PGBD2: variants seen among roughly 807,000 people sequenced by gnomAD.
PGBD2 encodes piggyBac transposable element-derived protein 2.
Under a neutral mutation model 8.1 loss-of-function variants are expected in PGBD2, and 6 were observed. The ratio of observed to expected loss-of-function variants is 0.74; its 90% confidence interval spans 0.40 to 1.46. The LOEUF is 1.46. Among genes scored for constraint, PGBD2 ranks in the 40% most tolerant of loss-of-function variants. The probability of loss-of-function intolerance (pLI) is 0.02; values close to 1 mark genes in which losing one functional copy is unlikely to be tolerated. For synonymous variants in PGBD2, 318 were observed against 272.2 expected (o/e 1.17, Z -1.66); for missense variants, 802 against 739.0 (o/e 1.09, Z -0.99).
chr1:248,918,037 A>G lies in PGBD2; in HGVS notation c.1453A>G (p.Ser485Gly), dbSNP rs1662179269. 2 of 1,614,086 alleles carry G rather than the reference A, an allele frequency of 1.2e-6. No individual in the cohort carries two copies. The highest frequency in any genetic ancestry group is 1.7e-6 in the Non-Finnish European group (2 of 1,180,040). ...GATCCGAGGCATGAAGTGGTACTCA[A>G]GCTTTATTGGCTATGTCATTGATGC... is the stretch of plus-strand genomic sequence containing the variant. ...VKIRGMKWYS[S>G]FIGYVIDAAL... is the part of the protein sequence containing the mutation. Residue 485 changes from serine (S) to glycine (G), a missense_variant, in exon 3 of 3, where the codon AGC (serine) becomes GGC (glycine). Transcript: ENST00000329291.
At chr1:248,923,232 A>G (rs184468433), downstream of PGBD2, among the ~76,000 whole-genome samples, 188 of 152,252 alleles carry the variant, frequency 1.2e-3, 1 homozygote, top group Admixed American at 3.5e-3. Context: ...TAGATTTTCT[A>G]GTTTATTTGC....
chr1:248,885,753 G>A, the PGBD2 span, among the ~76,000 whole-genome samples: 3 of 152,280 alleles, frequency 2.0e-5, no homozygotes, highest in Non-Finnish European at 4.4e-5. Flanking sequence ...CCAGTTCCCT[G>A]GCCATTTCCT....
chr1:248,915,130 C>T (rs1268254366), intron 2 of PGBD2, among the ~76,000 whole-genome samples: 2 of 152,170 alleles, frequency 1.3e-5, no homozygotes, highest in African/African-American at 4.8e-5. Context: ...TCATTGCTAC[C>T]TGACACCATC....
the PGBD2 span, among the ~76,000 whole-genome samples, chr1:248,895,270 G>A: frequency 6.6e-6 from 1 of 152,222 alleles, no homozygotes; most frequent in Admixed American, 6.5e-5. Flanking sequence ...GATTTCACAG[G>A]GACCAGTCCT....
the PGBD2 span, among the ~76,000 whole-genome samples, chr1:248,882,897 A>T: frequency 0.035 from 5,283 of 152,280 alleles, 304 homozygotes; most frequent in African/African-American, 0.12. Flanking sequence ...TTTATTCCGT[A>T]GCAATAGTTT....
At chr1:248,901,484 A>T (rs1661532250), upstream of PGBD2, among the ~76,000 whole-genome samples, 1 of 152,222 alleles carries the variant, frequency 6.6e-6, no homozygotes, top group Non-Finnish European at 1.5e-5. Flanking sequence ...AAAACAAGCA[A>T]TGAAGAAATA....
At chr1:248,874,373 G>A in the PGBD2 span, among the ~76,000 whole-genome samples, 8 of 152,174 alleles carry the variant, frequency 5.3e-5, no homozygotes. Context: ...GATGTTCCCA[G>A]AGTCAGCTAT....
At chr1:248,921,116 T>C (rs1273098557), downstream of PGBD2, among the ~76,000 whole-genome samples, 1 of 152,218 alleles carries the variant, frequency 6.6e-6, no homozygotes, top group Non-Finnish European at 1.5e-5. Flanking sequence ...TGATAGTTTA[T>C]TTTGCTGTGC....
upstream of PGBD2, among the ~76,000 whole-genome samples, chr1:248,905,290 G>A (rs557036331): frequency 6.6e-6 from 1 of 151,658 alleles, no homozygotes; most frequent in Non-Finnish European, 1.5e-5. Context: ...TTCACTAAGT[G>A]GCCCTCTTTT....
Position 248,917,984 on chromosome 1 carries a change from A to G in PGBD2, c.1400A>G (p.Asp467Gly). 1 of 1,614,156 alleles carries G rather than the reference A, an allele frequency of 6.2e-7. No homozygotes were observed. Among genetic ancestry groups the G allele is most frequent in the Non-Finnish European group, 8.5e-7 (1 of 1,180,008 alleles). ...QEKVGGVGRM[D>G]QNIAKYKVKI... The stretch of plus-strand genomic sequence containing the variant: ...AAGGTGGGTGGCGTTGGTAGGATGG[A>G]TCAGAATATTGCCAAGTACAAGGTG... Residue 467 changes from aspartate to glycine, a missense_variant, in exon 3 of 3, where the codon GAT (aspartate) becomes GGT (glycine). Physicochemically the swap from Asp to Gly is moderately conservative, Grantham distance 94. Transcript: ENST00000329291.
intron 1 of PGBD2, among the ~76,000 whole-genome samples, chr1:248,908,718 T>C (rs183644007): frequency 2.6e-5 from 4 of 151,702 alleles, no homozygotes; most frequent in Admixed American, 6.6e-5. Flanking sequence ...ATAGCTCTTA[T>C]AAAGACAGGC....
chr1:248,913,665 C>A (rs1420178182), intron 1 of PGBD2, among the ~76,000 whole-genome samples, 151 bp from the exon 2 acceptor site: 1 of 152,006 alleles, frequency 6.6e-6, no homozygotes, highest in African/African-American at 2.4e-5. Context: ...GGAGTTTGTT[C>A]TTTTCCCTCT....
the PGBD2 span, among the ~76,000 whole-genome samples, chr1:248,890,581 C>T: frequency 1.3e-5 from 2 of 152,014 alleles, no homozygotes; most frequent in Non-Finnish European, 2.9e-5. Flanking sequence ...AGCCCACTTA[C>T]AATCACTCAC....
the PGBD2 span, among the ~76,000 whole-genome samples, chr1:248,875,589 A>G: frequency 1.3e-5 from 2 of 152,184 alleles, no homozygotes; most frequent in Admixed American, 1.3e-4. Context: ...AAAACTCCTA[A>G]ACCACATTTA....
chr1:248,929,473 C>A, the PGBD2 span, among the ~76,000 whole-genome samples: 1 of 152,124 alleles, frequency 6.6e-6, no homozygotes, highest in Non-Finnish European at 1.5e-5. Context: ...CTTTATCACC[C>A]CAGGGTTCTT....
intron 1 of PGBD2, among the ~76,000 whole-genome samples, chr1:248,912,257 G>C (rs769906663): frequency 6.6e-6 from 1 of 152,126 alleles, no homozygotes; most frequent in African/African-American, 2.4e-5. Flanking sequence ...CAGTATTACT[G>C]CATTTTATCA....
chr1:248,895,683 G>T, the PGBD2 span, among the ~76,000 whole-genome samples: 1 of 151,776 alleles, frequency 6.6e-6, no homozygotes, highest in African/African-American at 2.4e-5. Context: ...CCAATGTATA[G>T]ATTTTTTTGT....
Position 248,917,642 on chromosome 1 carries a change from T to C in PGBD2, c.1058T>C (p.Val353Ala). 1 of 1,614,110 alleles carries C rather than the reference T, an allele frequency of 6.2e-7. No homozygotes were observed. Among genetic ancestry groups the C allele is most frequent in the Non-Finnish European group, 8.5e-7 (1 of 1,180,022 alleles). Reference protein sequence around the residue: ...FLPYHIFFDKVFTSVKLMSIL... With the variant: ...FLPYHIFFDKAFTSVKLMSIL... Reference sequence around the variant, plus strand: ...CCATATCACATATTTTTTGACAAGGTTTTCACAAGTGTTAAACTGATGTCC... The same window carrying C: ...CCATATCACATATTTTTTGACAAGGCTTTCACAAGTGTTAAACTGATGTCC... The change falls in exon 3 of 3, where the codon GTT (valine) becomes GCT (alanine). Residue 353 changes from valine to alanine, a missense_variant. Coordinates refer to ENST00000329291, the MANE Select transcript of PGBD2 (RefSeq NM_170725.3).
upstream of PGBD2, among the ~76,000 whole-genome samples, chr1:248,905,482 A>C (rs115268344): frequency 0.011 from 1,730 of 151,910 alleles, 28 homozygotes; most frequent in African/African-American, 0.04. Context: ...TGTCATAACT[A>C]GAGTGGAGAG....
Sources: gnomAD v4.1 joint callset for allele counts (sites outside exome capture counted in the v4.1 genomes callset) on GRCh38, gnomAD v4.1.1 for gene constraint, MANE v1.5 for transcripts, NCBI Gene and HGNC (gene_info 2026-07-23, HGNC 2026-07-21) for gene names.